The following ABCB1 variants were observed in gnomAD, a reference collection of about 807,000 sequenced individuals.
ABCB1 encodes the protein ATP binding cassette subfamily B member 1.
Under a neutral mutation model 142.0 loss-of-function variants are expected in ABCB1, and 69 were observed. That is an observed-to-expected ratio of 0.49 (90% CI 0.40 to 0.59). The LOEUF (loss-of-function observed/expected upper bound fraction) is 0.59, where lower values mean the gene tolerates loss of function less well. ABCB1 is among the 20% of genes least tolerant of loss of function. ABCB1 has a pLI of 0.00. For synonymous variants in ABCB1, 532 were observed against 539.2 expected (o/e 0.99, Z 0.18); for missense variants, 1,326 against 1,554.7 (o/e 0.85, Z 2.47).
chr7:87,618,789 T>A (rs1233576618), intron 1 of ABCB1, among the ~76,000 whole-genome samples: 1 of 152,134 alleles, frequency 6.6e-6, no homozygotes, highest in Non-Finnish European at 1.5e-5. Context: ...AGAGAATTCT[T>A]TAGTTAGGGG....
chr7:87,593,185 C>T (rs1255089510), intron 3 of ABCB1, among the ~76,000 whole-genome samples: 1 of 152,172 alleles, frequency 6.6e-6, no homozygotes, highest in Non-Finnish European at 1.5e-5. Context: ...CCTTAGCCTT[C>T]CAAAGTTCTG....
intron 21 of ABCB1, among the ~76,000 whole-genome samples, chr7:87,525,597 T>C (rs1815747874): frequency 6.6e-6 from 1 of 152,208 alleles, no homozygotes; most frequent in Admixed American, 6.5e-5. Context: ...AAGAAAATGT[T>C]ATTAAGAAAA....
At chr7:87,615,858 T>A (rs1265350844) in intron 1 of ABCB1, among the ~76,000 whole-genome samples, 1 of 152,168 alleles carries the variant, frequency 6.6e-6, no homozygotes, top group African/African-American at 2.4e-5. Context: ...TGGAAAAAAA[T>A]GATTTTTGAA....
chr7:87,550,111 GA>G, intron 12 of ABCB1, 57 bp from the exon 13 acceptor site: 1 of 1,614,066 alleles, frequency 6.2e-7, no homozygotes, highest in Non-Finnish European at 8.5e-7. Context: ...GGCAACATCA[GA>G]AAGATGTGCA....
chr7:87,580,674 G>A lies in ABCB1; in HGVS notation c.286+4838C>T, dbSNP rs73705261. On this transcript the variant is annotated intron_variant, in intron 4 of 27. Transcript: ENST00000622132. ...ATCTCTCTGTCTACCTCCTATTTAA[G>A]GCCAATAACTCTTGGATTTACCCTT... Among the ~76,000 whole-genome samples, 452 of 152,128 alleles carry A rather than the reference G, an allele frequency of 3.0e-3. 3 individuals are homozygous for A. The highest frequency in any genetic ancestry group is 0.01 in the African/African-American group (423 of 41,490).
At chr7:87,678,313 A>G (rs1227702200) in intron 1 of ABCB1, among the ~76,000 whole-genome samples, 2 of 152,202 alleles carry the variant, frequency 1.3e-5, no homozygotes, top group Non-Finnish European at 2.9e-5. Flanking sequence ...CCAGGTTTGC[A>G]TGTATAGTAC....
intron 1 of ABCB1, among the ~76,000 whole-genome samples, chr7:87,643,366 T>C (rs1338023005): frequency 1.3e-5 from 2 of 152,306 alleles, no homozygotes; most frequent in South Asian, 4.1e-4. Context: ...ACAAAAACAT[T>C]TAACTAGTTG....
At position 87,705,151 on chromosome 7, in the gene ABCB1, G is replaced by A. The variant is rs575697310; in HGVS notation, c.-331+8010C>T. Among the ~76,000 whole-genome samples, 8 of 152,334 alleles carry A rather than the reference G, an allele frequency of 5.3e-5. No individual in the cohort carries two copies. In the South Asian group the frequency reaches 1.2e-3, roughly 24 times the overall value. The stretch of plus-strand genomic sequence containing the variant: ...CTAGGTTAAGATCAATGGGCCAGGC[G>A]TGGTGGCTCATGCCTGTAATCCCAA... On this transcript the variant is annotated intron_variant, in intron 1 of 28. Coordinates refer to the ABCB1 transcript ENST00000265724.
intron 26 of ABCB1, among the ~76,000 whole-genome samples, chr7:87,507,558 A>T (rs940675156): frequency 2.0e-5 from 3 of 152,134 alleles, no homozygotes; most frequent in Admixed American, 6.6e-5. Flanking sequence ...CTGTGAAAGG[A>T]GAGTGGGAGA....
At chr7:87,600,493 C>T (rs563958215) in intron 1 of ABCB1, among the ~76,000 whole-genome samples, 129 of 152,304 alleles carry the variant, frequency 8.5e-4, no homozygotes, top group African/African-American at 3.1e-3. Context: ...CCACCGCCCG[C>T]GGGCTCAGAG....
intron 1 of ABCB1, among the ~76,000 whole-genome samples, chr7:87,683,145 C>A (rs1827095909): frequency 6.6e-6 from 1 of 152,148 alleles, no homozygotes; most frequent in Non-Finnish European, 1.5e-5. Flanking sequence ...TCTGCGGCGT[C>A]TTTGCCTCTC....
intron 4 of ABCB1, among the ~76,000 whole-genome samples, chr7:87,576,479 A>T (rs1473436725): frequency 1.3e-5 from 2 of 150,042 alleles, no homozygotes; most frequent in South Asian, 2.1e-4. Flanking sequence ...ACTTTTACAC[A>T]CATATATAAT....
intron 4 of ABCB1, among the ~76,000 whole-genome samples, chr7:87,581,988 A>T (rs1266898272): frequency 6.6e-6 from 1 of 152,152 alleles, no homozygotes; most frequent in African/African-American, 2.4e-5. Context: ...TCTCTGGGAC[A>T]AGCATCAAAA....
At chr7:87,632,245 C>T (rs1229156221) in intron 1 of ABCB1, among the ~76,000 whole-genome samples, 1 of 152,098 alleles carries the variant, frequency 6.6e-6, no homozygotes, top group East Asian at 1.9e-4. Context: ...TATGTGAGTA[C>T]ACAATTCTTT....
At chr7:87,544,296 C>A in intron 16 of ABCB1, 21 bp from the exon 17 acceptor site, 1 of 1,611,510 alleles carries the variant, frequency 6.2e-7, no homozygotes, top group South Asian at 1.1e-5. Flanking sequence ...CAAATTATTA[C>A]AACAGGCTAG....
At chr7:87,690,010 T>A (rs2130640054) in intron 1 of ABCB1, among the ~76,000 whole-genome samples, 1 of 152,186 alleles carries the variant, frequency 6.6e-6, no homozygotes, top group African/African-American at 2.4e-5. Context: ...TTAAATTTTT[T>A]ATAGAGACAG....
intron 1 of ABCB1, among the ~76,000 whole-genome samples, chr7:87,706,319 G>T (rs1374873780): frequency 6.6e-6 from 1 of 152,022 alleles, no homozygotes; most frequent in Non-Finnish European, 1.5e-5. Flanking sequence ...ACTGTAATCT[G>T]ATTTCCATTT....
Position 87,668,350 on chromosome 7 carries a change from C to T in ABCB1, c.-331+44811G>A, listed in dbSNP as rs1825479999. Among the ~76,000 whole-genome samples, 3 of 151,900 alleles carry T rather than the reference C, an allele frequency of 2.0e-5. No homozygotes were observed. The South Asian group carries it at 6.2e-4, about 31-fold the overall frequency. On this transcript the variant is annotated intron_variant, in intron 1 of 28. Transcript: ENST00000265724. ...TAGTAACATTCCCTTTGTCATTTCT[C>T]ATTGTGTTTATTTGGAGCTTTTCTT... is the stretch of plus-strand genomic sequence containing the variant.
At chr7:87,669,350 T>C (rs1825603752) in intron 1 of ABCB1, among the ~76,000 whole-genome samples, 1 of 152,202 alleles carries the variant, frequency 6.6e-6, no homozygotes, top group African/African-American at 2.4e-5. Context: ...TATCTCTTTA[T>C]TTTGAGCCTA....
Sources: allele counts gnomAD v4.1 joint callset (sites outside exome capture counted in the v4.1 genomes callset), GRCh38; gene constraint gnomAD v4.1.1; transcripts MANE v1.5; gene names NCBI Gene and HGNC (gene_info 2026-07-23, HGNC 2026-07-21).